The following CDH18 variants were observed in gnomAD, a reference collection of about 807,000 sequenced individuals.
CDH18 encodes the protein cadherin-18.
A neutral mutation model predicts 67.9 loss-of-function variants in CDH18; 31 were observed. The ratio of observed to expected loss-of-function variants is 0.46; its 90% confidence interval spans 0.34 to 0.62. CDH18 has a LOEUF of 0.62. Ranked by LOEUF, CDH18 falls within the 20% of genes least tolerant of loss-of-function variation. The probability of loss-of-function intolerance (pLI) is 0.01; values close to 1 mark genes in which losing one functional copy is unlikely to be tolerated. For missense variants in CDH18, 890 were observed against 975.5 expected (o/e 0.91, Z 1.17); for synonymous variants, 362 against 347.2 (o/e 1.04, Z -0.48).
At chr5:19,586,642 T>G (rs1744194688) in intron 7 of CDH18, among the ~76,000 whole-genome samples, 1 of 152,222 alleles carries the variant, frequency 6.6e-6, no homozygotes, top group African/African-American at 2.4e-5. Context: ...ATGTCTTTAC[T>G]ATTGTGAATA....
intron 1 of CDH18, among the ~76,000 whole-genome samples, chr5:20,459,094 G>A (rs1333629642): frequency 6.6e-6 from 1 of 152,170 alleles, no homozygotes; most frequent in Non-Finnish European, 1.5e-5. Context: ...TGTTTTTCAA[G>A]GCCAGACACA....
chr5:19,521,840 G>T (rs763166087), intron 9 of CDH18, among the ~76,000 whole-genome samples: 1 of 151,876 alleles, frequency 6.6e-6, no homozygotes. Flanking sequence ...AAAGTAACAG[G>T]TAATTACAGT....
At chr5:20,054,929 G>A (rs1419402090) in intron 2 of CDH18, among the ~76,000 whole-genome samples, 2 of 152,166 alleles carry the variant, frequency 1.3e-5, no homozygotes, top group Admixed American at 1.3e-4. Flanking sequence ...GTTAGAGGAT[G>A]AGAAAAGACA....
chr5:19,554,576 G>A (rs1446851071), intron 8 of CDH18, among the ~76,000 whole-genome samples: 1 of 142,100 alleles, frequency 7.0e-6, no homozygotes, highest in Non-Finnish European at 1.5e-5. Flanking sequence ...TTTTTTTTTT[G>A]TAAAATTCGC....
At chr5:19,933,572 A>G (rs1210312520) in intron 2 of CDH18, among the ~76,000 whole-genome samples, 1 of 151,418 alleles carries the variant, frequency 6.6e-6, no homozygotes, top group Non-Finnish European at 1.5e-5. Flanking sequence ...TTTTGCACCA[A>G]TTTTAATCAG....
At chr5:20,265,653 T>C (rs1276114911) in intron 1 of CDH18, among the ~76,000 whole-genome samples, 1 of 152,110 alleles carries the variant, frequency 6.6e-6, no homozygotes, top group Non-Finnish European at 1.5e-5. Flanking sequence ...TACTTATGCA[T>C]AAAAATTAAA....
intron 4 of CDH18, among the ~76,000 whole-genome samples, chr5:19,744,760 A>G (rs1170145216): frequency 6.6e-6 from 1 of 152,080 alleles, no homozygotes; most frequent in East Asian, 1.9e-4. Context: ...ATGGGACTCA[A>G]CTTTCTAACA....
intron 1 of CDH18, among the ~76,000 whole-genome samples, chr5:20,395,550 T>C (rs1278275639): frequency 1.3e-5 from 2 of 152,196 alleles, no homozygotes; most frequent in African/African-American, 4.8e-5. Flanking sequence ...AATTTATCCA[T>C]GTAACCAACA....
intron 2 of CDH18, among the ~76,000 whole-genome samples, chr5:20,085,412 T>C (rs557655405): frequency 2.6e-5 from 4 of 152,142 alleles, no homozygotes; most frequent in Non-Finnish European, 5.9e-5. Context: ...AATTCCAAAA[T>C]TTCCCATGCT....
chr5:20,493,223 C>T (rs758291720), intron 1 of CDH18, among the ~76,000 whole-genome samples: 1 of 151,550 alleles, frequency 6.6e-6, no homozygotes, highest in Non-Finnish European at 1.5e-5. Flanking sequence ...GTGACACTTG[C>T]CTGTAGTTCC....
chr5:19,473,811 A>G, intron 12 of CDH18, 95 bp from the exon 13 acceptor site: 1 of 1,005,390 alleles, frequency 9.9e-7, no homozygotes, highest in South Asian at 1.5e-5. Context: ...CCCATTCGTC[A>G]TTAACCACAT....
chr5:19,599,630 T>C (rs1746735462), intron 6 of CDH18, among the ~76,000 whole-genome samples: 1 of 151,976 alleles, frequency 6.6e-6, no homozygotes, highest in African/African-American at 2.4e-5. Flanking sequence ...CGGCCAGGCG[T>C]GGTGGCTCAC....
chr5:20,093,045 C>A (rs906298033), intron 2 of CDH18, among the ~76,000 whole-genome samples: 1 of 151,832 alleles, frequency 6.6e-6, no homozygotes, highest in African/African-American at 2.4e-5. Flanking sequence ...TAATTTTAAC[C>A]ATTTTCAAGT....
chr5:20,354,931 A>G (rs1205673097), intron 1 of CDH18, among the ~76,000 whole-genome samples: 1 of 152,142 alleles, frequency 6.6e-6, no homozygotes, highest in Non-Finnish European at 1.5e-5. Flanking sequence ...TATGCTTCCA[A>G]TAATTGCTCC....
intron 5 of CDH18, among the ~76,000 whole-genome samples, chr5:19,664,749 T>A (rs780724418): frequency 4.6e-5 from 7 of 152,008 alleles, no homozygotes; most frequent in Admixed American, 2.6e-4. Flanking sequence ...TGCCCCTCAC[T>A]GCATTAAATC....
chr5:20,474,158 C>T (rs1397956704), intron 1 of CDH18, among the ~76,000 whole-genome samples: 1 of 152,070 alleles, frequency 6.6e-6, no homozygotes, highest in Non-Finnish European at 1.5e-5. Flanking sequence ...CTTTATTAGT[C>T]CCAGCTACTC....
chr5:19,496,490 G>C (rs769020952), intron 11 of CDH18, among the ~76,000 whole-genome samples: 5 of 152,134 alleles, frequency 3.3e-5, no homozygotes, highest in Non-Finnish European at 7.4e-5. Context: ...GAGAGCTCCA[G>C]TCCCATGAAG....
intron 5 of CDH18, among the ~76,000 whole-genome samples, chr5:19,713,571 T>C (rs1764978593): frequency 6.6e-6 from 1 of 152,124 alleles, no homozygotes; most frequent in Non-Finnish European, 1.5e-5. Context: ...TTGATAGATA[T>C]TATTCTGTTG....
At chr5:19,664,145 C>T (rs1297634706) in intron 5 of CDH18, among the ~76,000 whole-genome samples, 1 of 151,756 alleles carries the variant, frequency 6.6e-6, no homozygotes, top group Non-Finnish European at 1.5e-5. Flanking sequence ...AATGTAGTGA[C>T]AATTAGTTTA....
Sources: gnomAD v4.1 joint callset for allele counts (sites outside exome capture counted in the v4.1 genomes callset) on GRCh38, gnomAD v4.1.1 for gene constraint, MANE v1.5 for transcripts, NCBI Gene and HGNC (gene_info 2026-07-23, HGNC 2026-07-21) for gene names.